The following KCNK18 variants were observed in gnomAD, a reference collection of about 807,000 sequenced individuals.
KCNK18 encodes potassium two pore domain channel subfamily K member 18.
Under a neutral mutation model 11.8 loss-of-function variants are expected in KCNK18, and 8 were observed. The ratio of observed to expected loss-of-function variants is 0.68; its 90% CI spans 0.40 to 1.22. The LOEUF is 1.22. KCNK18 is among the 50% of genes most tolerant of loss of function. The probability of loss-of-function intolerance (pLI) is 0.01; values close to 1 mark genes in which losing one functional copy is unlikely to be tolerated. For synonymous variants in KCNK18, 208 were observed against 185.8 expected (o/e 1.12, Z -0.97); for missense variants, 442 against 465.4 (o/e 0.95, Z 0.46).
At position 117,209,785 on chromosome 10, in the gene KCNK18, T is replaced by C; in HGVS notation, c.641T>C (p.Leu214Pro). The C allele has an allele frequency of 2.5e-6, 4 of 1,614,052 alleles. No homozygotes were observed. Among genetic ancestry groups the C allele is most frequent in the Non-Finnish European group, 3.4e-6 (4 of 1,180,012 alleles). Reference protein sequence around the residue: ...ISAEELPGPKLGTCPSRPSCS... With the variant: ...ISAEELPGPKPGTCPSRPSCS... ...GCTGAAGAGCTTCCAGGCCCCAAAC[T>C]TGGCACATGTCCTTCACGCCCAAGC... The change falls in exon 3 of 3, where the codon CTT becomes CCT. Residue 214 changes from leucine to proline, a missense_variant. Leu to Pro is a moderately conservative substitution (Grantham distance 98). Transcript: ENST00000334549.
intron 2 of KCNK18, among the ~76,000 whole-genome samples, chr10:117,203,776 ATCCATCCG>A (rs1467069101): frequency 5.9e-5 from 9 of 152,094 alleles, no homozygotes; most frequent in African/African-American, 2.2e-4. Flanking sequence ...ACCTCAGGTG[ATCCATCCG>A]TCTCGGCCTT....
intron 1 of KCNK18, among the ~76,000 whole-genome samples, chr10:117,199,234 T>C (rs3847481): frequency 0.069 from 10,437 of 152,240 alleles, 579 homozygotes; most frequent in Admixed American, 0.16. Context: ...GCAGGAGGAT[T>C]GCTTGAGCCT....
At position 117,209,929 on chromosome 10, in the gene KCNK18, C is replaced by T. The variant is rs1165421981; in HGVS notation, c.785C>T (p.Ser262Leu). ...SCPELVLGRL[S>L]YSIISNLDEV... ...CCCGAACTGGTGTTGGGAAGACTCT[C>T]ATACTCCATCATCAGCAACCTGGAT... Residue 262 changes from serine (S) to leucine (L), a missense_variant, in exon 3 of 3, where the codon TCA (serine) becomes TTA (leucine). Ser to Leu is a moderately radical substitution (Grantham distance 145, BLOSUM62 -2). Transcript: ENST00000334549. The T allele has an allele frequency of 9.3e-6, 15 of 1,614,122 alleles. No individual in the cohort carries two copies. The East Asian group carries it at 3.3e-4, about 36-fold the overall frequency.
At chr10:117,207,976 G>T (rs1855095063) in intron 2 of KCNK18, among the ~76,000 whole-genome samples, 1 of 152,220 alleles carries the variant, frequency 6.6e-6, no homozygotes, top group Non-Finnish European at 1.5e-5. Flanking sequence ...CACCTGCGCT[G>T]TGGGGTTTGA....
At chr10:117,201,415 A>G in intron 2 of KCNK18, 128 bp downstream of exon 2, 2 of 978,396 alleles carry the variant, frequency 2.0e-6, no homozygotes, top group Non-Finnish European at 3.2e-6. Flanking sequence ...CCCTTCCTCA[A>G]ATCTATATTG....
rs753454529 is a variant in KCNK18 at position 117,201,124 on chromosome 10, C to A, written c.224-35C>A. On this transcript the variant is annotated intron_variant, in intron 1 of 2. Transcript: ENST00000334549. Reference sequence around the variant, plus strand: ...CGGGGCTTGTCTTTACCAGCAGAACCTTTTCCTCAAACTCTTGGTCATGTC... The same window carrying A: ...CGGGGCTTGTCTTTACCAGCAGAACATTTTCCTCAAACTCTTGGTCATGTC... 44 of 1,613,754 alleles carry A rather than the reference C, an allele frequency of 2.7e-5. No homozygotes were observed. The South Asian group carries it at 4.5e-4, about 17-fold the overall frequency.
In KCNK18 at chr10:117,209,907, G is replaced by T. The variant is rs3026042; in HGVS notation, c.763G>T (p.Glu255Ter). 2 of 1,614,170 alleles carry T rather than the reference G, an allele frequency of 1.2e-6. No homozygotes were observed. The highest frequency in any genetic ancestry group is 3.3e-5 in the Admixed American group (2 of 60,020). Residue 255 changes from glutamate (E) to a stop codon, truncating the protein, a stop_gained, in exon 3 of 3, where the codon GAA becomes TAA. Coordinates refer to ENST00000334549, the MANE Select transcript of KCNK18 (RefSeq NM_181840.1). LOFTEE classifies it low-confidence loss of function (END_TRUNC). The part of the protein sequence containing the change: ...QAMERSNSCP[E>*]LVLGRLSYSI... Reference sequence around the variant, plus strand: ...CATGGAGAGGAGTAACTCGTGTCCCGAACTGGTGTTGGGAAGACTCTCATA... The same window carrying T: ...CATGGAGAGGAGTAACTCGTGTCCCTAACTGGTGTTGGGAAGACTCTCATA...
rs1298471482 is a variant in KCNK18 at position 117,197,617 on chromosome 10, C to T, written c.129C>T (p.Ala43=). The change falls in exon 1 of 3, where the codon GCC becomes GCT. Residue 43 remains alanine (A), a synonymous_variant. Coordinates refer to ENST00000334549, the MANE Select transcript of KCNK18 (RefSeq NM_181840.1). ...YALVGAVVFS[A]IEDGQVLVAA... ...TGGTGGGTGCTGTGGTCTTCTCTGC[C>T]ATTGAGGACGGCCAGGTCCTGGTGG... is the stretch of plus-strand genomic sequence containing the variant. 4 of 1,614,196 alleles carry T rather than the reference C, an allele frequency of 2.5e-6. No individual in the cohort carries two copies. Among genetic ancestry groups the T allele is most frequent in the Non-Finnish European group, 3.4e-6 (4 of 1,180,018 alleles).
chr10:117,204,588 C>T (rs1274014084), intron 2 of KCNK18, among the ~76,000 whole-genome samples: 1 of 152,222 alleles, frequency 6.6e-6, no homozygotes, highest in Non-Finnish European at 1.5e-5. Context: ...ACATCGACAT[C>T]ACTGGGGAAC....
chr10:117,198,109 C>T (rs975509446), intron 1 of KCNK18, among the ~76,000 whole-genome samples: 1 of 152,246 alleles, frequency 6.6e-6, no homozygotes, highest in East Asian at 1.9e-4. Flanking sequence ...GCTTGCTTTT[C>T]AGAACTATGT....
Position 117,197,699 on chromosome 10 carries a change from T to C in KCNK18, c.211T>C (p.Cys71Arg). The C allele has an allele frequency of 6.2e-7, 1 of 1,614,052 alleles. No homozygotes were observed. Among genetic ancestry groups the C allele is most frequent in the Non-Finnish European group, 8.5e-7 (1 of 1,179,950 alleles). The change falls in exon 1 of 3, where the codon TGC becomes CGC. Residue 71 changes from cysteine (C) to arginine (R), a missense_variant. Cys to Arg is a radical substitution (Grantham distance 180). Transcript: ENST00000334549. ...FLEELCRILN[C>R]SETVVEDRKQ... Reference sequence around the variant, plus strand: ...GGAGGAGCTCTGCAGAATCTTGAACTGCAGTGAAACAGGTAGGTGCCTCAC... The same window carrying C: ...GGAGGAGCTCTGCAGAATCTTGAACCGCAGTGAAACAGGTAGGTGCCTCAC...
rs1855048672 is a variant in KCNK18 at position 117,204,193 on chromosome 10, T to A, written c.352+2906T>A. Among the ~76,000 whole-genome samples, 3 of 146,732 alleles carry A rather than the reference T, an allele frequency of 2.0e-5. No individual in the cohort carries two copies. The South Asian group carries it at 6.6e-4, about 32-fold the overall frequency. ...GGGAGCATCACTTGAGCCCTGGAGGTTGAGACTGCAGTGAGCCATGATCGC... is the reference window on the plus strand; with the variant it reads ...GGGAGCATCACTTGAGCCCTGGAGGATGAGACTGCAGTGAGCCATGATCGC... On this transcript the variant is annotated intron_variant, in intron 2 of 2. Transcript: ENST00000334549.
chr10:117,204,585 C>A (rs921735474), intron 2 of KCNK18, among the ~76,000 whole-genome samples: 15 of 152,354 alleles, frequency 9.8e-5, no homozygotes, highest in Admixed American at 9.1e-4. Flanking sequence ...GTAACATCGA[C>A]ATCACTGGGG....
Position 117,209,996 on chromosome 10 carries a change from C to G in KCNK18, c.852C>G (p.Pro284=), listed in dbSNP as rs1021159439. The change falls in exon 3 of 3, where the codon CCC becomes CCG. Residue 284 remains proline, a synonymous_variant. Transcript: ENST00000334549. The stretch of plus-strand genomic sequence containing the variant: ...TGGAGAGGTTGGACATCCCCCTCCC[C>G]ATCATTGCCCTTATTGTTTTTGCCT... ...QQVERLDIPL[P]IIALIVFAYI... 8.1e-6 allele frequency: 13 copies of G among 1,614,100 alleles called. No individual in the cohort carries two copies. Among genetic ancestry groups the G allele is most frequent in the Non-Finnish European group, 1.0e-5 (12 of 1,180,044 alleles).
Position 117,209,931 on chromosome 10 carries a change from T to G in KCNK18, c.787T>G (p.Tyr263Asp). 1 of 1,614,242 alleles carries G rather than the reference T, an allele frequency of 6.2e-7. No homozygotes were observed. Among genetic ancestry groups the G allele is most frequent in the South Asian group, 1.1e-5 (1 of 91,086 alleles). ...CPELVLGRLS[Y>D]SIISNLDEVG... ...CGAACTGGTGTTGGGAAGACTCTCA[T>G]ACTCCATCATCAGCAACCTGGATGA... The change falls in exon 3 of 3, where the codon TAC becomes GAC. Residue 263 changes from tyrosine (Y) to aspartate (D), a missense_variant. Transcript: ENST00000334549.
intron 2 of KCNK18, among the ~76,000 whole-genome samples, chr10:117,203,157 G>A (rs1474022762): frequency 5.9e-5 from 9 of 152,054 alleles, no homozygotes; most frequent in South Asian, 2.1e-4. Context: ...GATTAGAGGC[G>A]TGAGACACCG....
chr10:117,200,840 T>C (rs1589965512), intron 1 of KCNK18, among the ~76,000 whole-genome samples: 1 of 146,212 alleles, frequency 6.8e-6, no homozygotes, highest in South Asian at 2.1e-4. Flanking sequence ...ATGAAAGAAA[T>C]GGCGGTTCAG....
At chr10:117,208,044 G>T (rs1397907758) in intron 2 of KCNK18, among the ~76,000 whole-genome samples, 3 of 152,128 alleles carry the variant, frequency 2.0e-5, no homozygotes, top group Non-Finnish European at 4.4e-5. Flanking sequence ...CTCCCGACGG[G>T]GATGGAGACC....
At position 117,197,604 on chromosome 10, in the gene KCNK18, TGGTCTTC is replaced by T; in HGVS notation, c.117_123del (p.Val40LeufsTer28). ...GTGACCTACGCCCTGGTGGGTGCTG[TGGTCTTC>T]TCTGCCATTGAGGACGGCCAGGTCC... On this transcript the variant is annotated frameshift_variant, in exon 1 of 3. Coordinates refer to ENST00000334549, the MANE Select transcript of KCNK18 (RefSeq NM_181840.1). LOFTEE classifies it high-confidence loss of function. 6.2e-7 allele frequency: 1 copy of T among 1,614,216 alleles called. No individual in the cohort carries two copies. The highest frequency in any genetic ancestry group is 8.5e-7 in the Non-Finnish European group (1 of 1,180,024).
Sources: gnomAD v4.1 joint callset for allele counts (sites outside exome capture counted in the v4.1 genomes callset) on GRCh38, gnomAD v4.1.1 for gene constraint, MANE v1.5 for transcripts, NCBI Gene and HGNC (gene_info 2026-07-23, HGNC 2026-07-21) for gene names.